Variants in GNB1 observed in about 807,000 individuals in gnomAD.
The protein encoded by GNB1 is guanine nucleotide-binding protein G(I)/G(S)/G(T) subunit beta-1.
A neutral mutation model predicts 42.9 loss-of-function variants in GNB1; 2 were observed. That is an observed-to-expected ratio of 0.05 (90% CI 0.02 to 0.15). The LOEUF (loss-of-function observed/expected upper bound fraction) is 0.15. Among genes scored for constraint, GNB1 ranks in the 10% least tolerant of loss-of-function variants. The probability of loss-of-function intolerance (pLI) is 1.00; values close to 1 mark genes in which losing one functional copy is unlikely to be tolerated. For synonymous variants in GNB1, 183 were observed against 174.7 expected (o/e 1.05, Z -0.38); for missense variants, 193 against 462.2 (o/e 0.42, Z 5.34).
intron 5 of GNB1, among the ~76,000 whole-genome samples, chr1:1,807,391 G>A (rs1466350258): frequency 6.9e-6 from 1 of 144,700 alleles, no homozygotes; most frequent in Non-Finnish European, 1.5e-5. Context: ...TTGAACCCAG[G>A]AGGCGGGGGT....
At chr1:1,862,498 G>A (rs1648688858) in intron 1 of GNB1, among the ~76,000 whole-genome samples, 1 of 151,218 alleles carries the variant, frequency 6.6e-6, no homozygotes, top group Non-Finnish European at 1.5e-5. Flanking sequence ...ACAGGGTCTC[G>A]TTCAGTTGCC....
At chr1:1,818,958 ATCAGATGTACATGAGCC>A (rs1570665437) in intron 3 of GNB1, among the ~76,000 whole-genome samples, 2 of 152,296 alleles carry the variant, frequency 1.3e-5, no homozygotes, top group East Asian at 3.9e-4. Flanking sequence ...GAGCCAGACA[ATCAGATGTACATGAGCC>A]TCTTGGCTGT....
Position 1,825,485 on chromosome 1 carries a change from T to A in GNB1, c.-32A>T. 1 of 1,509,104 alleles carries A rather than the reference T, an allele frequency of 6.6e-7. No individual in the cohort carries two copies. Among genetic ancestry groups the A allele is most frequent in the South Asian group, 1.1e-5 (1 of 88,860 alleles). The allele number at this position is 1,509,104 out of a possible 1,614,324, so 93.5% of individuals were successfully genotyped here. A position where few individuals can be genotyped will look rare whatever the true frequency, so the allele number is the denominator to read the frequency against. On this transcript the variant is annotated 5_prime_UTR_variant, in exon 3 of 12. Transcript: ENST00000378609. ...ATCTTAGTGCTCTTCAATGCCACCT[T>A]CAAGAATGTGAGATCTGAAACAGAA...
At position 1,792,696 on chromosome 1, in the gene GNB1, CAAA is replaced by C. The variant is rs374752641; in HGVS notation, c.497+546_497+548del. On this transcript the variant is annotated intron_variant, in intron 8 of 11. Coordinates refer to ENST00000378609, the MANE Select transcript of GNB1 (RefSeq NM_002074.5). ...CTGGAGACAGAGAGAGACTCTATCTCAAAAAAAAAAAAAAAAAGAAAAAAATGT... is the reference window on the plus strand; with the variant it reads ...CTGGAGACAGAGAGAGACTCTATCTCAAAAAAAAAAAAAAGAAAAAAATGT... 2.0e-4 allele frequency among the ~76,000 whole-genome samples: 21 copies of C among 102,758 alleles called. 1 individual carries two copies. The highest frequency in any genetic ancestry group is 5.7e-4 in the African/African-American group (16 of 28,048). 67.4% of individuals were successfully genotyped at this position (102,758 alleles called of 152,430 possible). A position where few individuals can be genotyped will look rare whatever the true frequency, so the allele number is the denominator to read the frequency against.
rs372722276 is a variant in GNB1, at chr1:1,825,361, A to G, written c.57+36T>C. On this transcript the variant is annotated intron_variant, in intron 3 of 11. Coordinates refer to ENST00000378609, the MANE Select transcript of GNB1 (RefSeq NM_002074.5). The stretch of plus-strand genomic sequence containing the variant: ...CAAGTAACATCTAACCTGAAACTCA[A>G]ATGATTAATAAAACCAAGCACACAC... 31 of 1,478,918 alleles carry G rather than the reference A, an allele frequency of 2.1e-5. No individual in the cohort carries two copies. The African/African-American group carries it at 4.1e-4, about 20-fold the overall frequency. The allele number at this position is 1,478,918 out of a possible 1,614,324, so 91.6% of individuals were successfully genotyped here. A position where few individuals can be genotyped will look rare whatever the true frequency, so the allele number is the denominator to read the frequency against.
rs571281622 is a variant in GNB1, at chr1:1,868,206, G to A, written c.-96+22614C>T. ...TTGTTTTTTTTTGAGACGGAGTTTC[G>A]CTCTTTTTGCCCAGGCTGGAGTGCA... On this transcript the variant is annotated intron_variant, in intron 1 of 11. Coordinates refer to ENST00000378609, the MANE Select transcript of GNB1 (RefSeq NM_002074.5). Among the ~76,000 whole-genome samples, 7 of 151,804 alleles carry A rather than the reference G, an allele frequency of 4.6e-5. No individual in the cohort carries two copies. The East Asian group carries it at 5.8e-4, about 13-fold the overall frequency.
chr1:1,788,508 CG>C (rs773783734), intron 10 of GNB1: 1 of 155,278 alleles, frequency 6.4e-6, no homozygotes, highest in Non-Finnish European at 1.4e-5. Context: ...GGCACCCATC[CG>C]GAAGCAGGAA....
Position 1,831,070 on chromosome 1 carries a change from T to A in GNB1, c.-46-5571A>T, listed in dbSNP as rs150677703. Reference sequence around the variant, plus strand: ...ATCCCACATACTCGGGAGGCTTAGGTGGGAGAACGGCTTGAACCTGGGAGG... The same window carrying A: ...ATCCCACATACTCGGGAGGCTTAGGAGGGAGAACGGCTTGAACCTGGGAGG... On this transcript the variant is annotated intron_variant, in intron 2 of 11. Transcript: ENST00000378609. Among the ~76,000 whole-genome samples the A allele has an allele frequency of 2.6e-4, 39 of 152,066 alleles. No homozygotes were observed. In the East Asian group the frequency reaches 7.4e-3, roughly 29 times the overall value.
intron 3 of GNB1, among the ~76,000 whole-genome samples, chr1:1,823,826 T>C (rs1333099906): frequency 6.6e-6 from 1 of 152,226 alleles, no homozygotes; most frequent in African/African-American, 2.4e-5. Flanking sequence ...CTTGACTTCA[T>C]CCTTGCACTG....
intron 1 of GNB1, among the ~76,000 whole-genome samples, chr1:1,885,869 A>T: frequency 7.3e-6 from 1 of 137,190 alleles, no homozygotes. Context: ...ACTTAATCTT[A>T]AAAAAAAAAA....
intron 1 of GNB1, among the ~76,000 whole-genome samples, chr1:1,846,762 G>A (rs1647692238): frequency 6.6e-6 from 1 of 152,080 alleles, no homozygotes; most frequent in African/African-American, 2.4e-5. Flanking sequence ...GTCTCACTAT[G>A]TGGCCCAGGC....
chr1:1,869,818 C>A (rs113721703), intron 1 of GNB1, among the ~76,000 whole-genome samples: 3 of 152,296 alleles, frequency 2.0e-5, no homozygotes, highest in African/African-American at 7.2e-5. Context: ...TTGTACAACA[C>A]AACTTGTAAT....
At position 1,845,580 on chromosome 1, in the gene GNB1, AT is replaced by A. The variant is rs1169923120; in HGVS notation, c.-95-6343del. On this transcript the variant is annotated intron_variant, in intron 1 of 11. Coordinates refer to ENST00000378609, the MANE Select transcript of GNB1 (RefSeq NM_002074.5). ...AGTGCGAGACTCCGTCTCAAAAAAA[AT>A]AATAATAAAATAAAATAAAAATAAT... Among the ~76,000 whole-genome samples, 27 of 152,140 alleles carry A rather than the reference AT, an allele frequency of 1.8e-4. 1 individual carries two copies. Among genetic ancestry groups the A allele is most frequent in the African/African-American group, 3.4e-4 (14 of 41,534 alleles).
At chr1:1,875,077 TGGA>T (rs1649467704) in intron 1 of GNB1, among the ~76,000 whole-genome samples, 1 of 152,016 alleles carries the variant, frequency 6.6e-6, no homozygotes, top group African/African-American at 2.4e-5. Flanking sequence ...TGACAGGAGG[TGGA>T]GCTCAGGTGG....
chr1:1,786,435 TG>T lies in GNB1; in HGVS notation c.*627del. On this transcript the variant is annotated 3_prime_UTR_variant, in exon 12 of 12. Coordinates refer to ENST00000378609, the MANE Select transcript of GNB1 (RefSeq NM_002074.5). ...AACATGTTCTTTTCTATGCCACGTT[TG>T]TGTGCAACAATGATCTGTGACATCA... 1 of 203,466 alleles carries T rather than the reference TG, an allele frequency of 4.9e-6. No individual in the cohort carries two copies. Among genetic ancestry groups the T allele is most frequent in the Non-Finnish European group, 9.8e-6 (1 of 101,932 alleles). The allele number at this position is 203,466 out of a possible 1,614,324, so 12.6% of individuals were successfully genotyped here.
chr1:1,865,507 AC>A (rs1261326561), intron 1 of GNB1, among the ~76,000 whole-genome samples: 3 of 151,950 alleles, frequency 2.0e-5, no homozygotes. Flanking sequence ...AATCGCTTGA[AC>A]CCGGGAAGCA....
At chr1:1,890,189 T>C (rs1008198083) in intron 1 of GNB1, among the ~76,000 whole-genome samples, 4 of 152,046 alleles carry the variant, frequency 2.6e-5, no homozygotes, top group African/African-American at 9.7e-5. Context: ...CGCGACTGCC[T>C]CAGCGGCTCG....
rs996482134 is a variant in GNB1, at chr1:1,801,848, G to A, written c.430+2571C>T. 5.9e-5 allele frequency among the ~76,000 whole-genome samples: 9 copies of A among 152,252 alleles called. 1 individual carries two copies. The South Asian group carries it at 1.0e-3, about 18-fold the overall frequency. Reference sequence around the variant, plus strand: ...GAAAAAACCAAGACCCAACAATGATGCGAGGTCTGTAACAGACTATTTTCA... The same window carrying A: ...GAAAAAACCAAGACCCAACAATGATACGAGGTCTGTAACAGACTATTTTCA... On this transcript the variant is annotated intron_variant, in intron 7 of 11. Transcript: ENST00000378609.
intron 2 of GNB1, among the ~76,000 whole-genome samples, chr1:1,830,437 AT>A (rs1008908639): frequency 1.3e-4 from 20 of 150,908 alleles, no homozygotes; most frequent in Admixed American, 7.9e-4. Flanking sequence ...AATTTTTTAT[AT>A]TTTTAGTAGG....
Sources: allele counts gnomAD v4.1 joint callset (sites outside exome capture counted in the v4.1 genomes callset), GRCh38; gene constraint gnomAD v4.1.1; transcripts MANE v1.5; gene names NCBI Gene and HGNC (gene_info 2026-07-23, HGNC 2026-07-21).